Variants in GAREM1 observed in about 807,000 individuals in gnomAD.
GAREM1 encodes GRB2-associated and regulator of MAPK protein 1.
A neutral mutation model predicts 71.3 loss-of-function variants in GAREM1; 26 were observed. The observed-to-expected ratio is 0.36, with a 90% CI of 0.27 to 0.51. The LOEUF is 0.51. Among genes scored for constraint, GAREM1 ranks in the 20% least tolerant of loss-of-function variants. GAREM1 has a pLI of 0.95. For missense variants in GAREM1, 1,026 were observed against 1,103.1 expected (o/e 0.93, Z 0.99); for synonymous variants, 440 against 433.2 (o/e 1.02, Z -0.20).
At chr18:32,371,054 T>C (rs2047973398) in intron 2 of GAREM1, among the ~76,000 whole-genome samples, 1 of 151,992 alleles carries the variant, frequency 6.6e-6, no homozygotes, top group Non-Finnish European at 1.5e-5. Flanking sequence ...GAGAGGATTA[T>C]AGGAATGCCA....
intron 2 of GAREM1, among the ~76,000 whole-genome samples, chr18:32,310,604 T>C (rs1014485806): frequency 6.6e-6 from 1 of 152,194 alleles, no homozygotes; most frequent in African/African-American, 2.4e-5. Context: ...TTACTTGCTG[T>C]TTGATCTCAA....
rs773472213 is a variant in GAREM1 at position 32,263,825 on chromosome 18, T to C, written c.*4046A>G. The C allele has an allele frequency of 2.6e-5, 4 of 152,158 alleles. No homozygotes were observed. Among genetic ancestry groups the C allele is most frequent in the Non-Finnish European group, 4.4e-5 (3 of 68,030 alleles). 9.4% of individuals were successfully genotyped at this position (152,158 alleles called of 1,614,324 possible). A position where few individuals can be genotyped will look rare whatever the true frequency, so the allele number is the denominator to read the frequency against. On this transcript the variant is annotated 3_prime_UTR_variant, in exon 6 of 6. Coordinates refer to ENST00000269209, the MANE Select transcript of GAREM1 (RefSeq NM_001242409.2). ...AGCTTAAATATTTTAAATGAAACAA[T>C]ATGAGAGTGGGAGAAAAGGTTTATA... is the stretch of plus-strand genomic sequence containing the variant.
chr18:32,298,261 T>C (rs1167856744), intron 3 of GAREM1, among the ~76,000 whole-genome samples: 1 of 152,216 alleles, frequency 6.6e-6, no homozygotes, highest in Non-Finnish European at 1.5e-5. Context: ...GAATAAATTA[T>C]ACAACTAACG....
rs2048437239 is a variant in GAREM1, at chr18:32,413,204, G to A, written c.122-20169C>T. 4.4e-6 allele frequency: 7 copies of A among 1,605,930 alleles called. 1 individual carries two copies. The highest frequency in any genetic ancestry group is 2.3e-4 in the Middle Eastern group (1 of 4,406). On this transcript the variant is annotated intron_variant, in intron 1 of 5. Transcript: ENST00000269209. ...CGGCAGGGTGAAGAGAGACTTTAAC[G>A]ATGCTTCTTCGGCGGCGTCCACGGG...
rs1290491975 is a variant in GAREM1, at chr18:32,265,136, C to T, written c.*2735G>A. On this transcript the variant is annotated 3_prime_UTR_variant, in exon 6 of 6. Transcript: ENST00000269209. ...CTCTTGGAGCTATGAATGCTCTGTC[C>T]AGTCAGGACACCAAGGTCCTTCACA... 1 of 152,204 alleles carries T rather than the reference C, an allele frequency of 6.6e-6. No individual in the cohort carries two copies. The highest frequency in any genetic ancestry group is 1.5e-5 in the Non-Finnish European group (1 of 68,040). 9.4% of individuals were successfully genotyped at this position (152,204 alleles called of 1,614,324 possible).
chr18:32,272,543 G>A (rs990482652), intron 4 of GAREM1, among the ~76,000 whole-genome samples: 2 of 152,172 alleles, frequency 1.3e-5, no homozygotes, highest in East Asian at 1.9e-4. Context: ...AAGGATGCCC[G>A]GGAGGAAATG....
At chr18:32,378,012 CTGTGTGTGTGTGTGTGTGTGTGTG>C (rs1157230204) in intron 2 of GAREM1, among the ~76,000 whole-genome samples, 2 of 131,814 alleles carry the variant, frequency 1.5e-5, no homozygotes, top group East Asian at 2.3e-4. Flanking sequence ...TACTATATAA[CTGTGTGTGTGTGTGTGTGTGTGTG>C]TGTGTGTGTG....
intron 2 of GAREM1, among the ~76,000 whole-genome samples, chr18:32,328,757 T>C (rs140375484): frequency 2.1e-4 from 32 of 152,250 alleles, no homozygotes; most frequent in African/African-American, 7.7e-4. Flanking sequence ...CTGATACCAC[T>C]TAGGGGCAGG....
intron 2 of GAREM1, among the ~76,000 whole-genome samples, chr18:32,348,648 T>C (rs921476155): frequency 6.6e-6 from 1 of 152,116 alleles, no homozygotes; most frequent in Non-Finnish European, 1.5e-5. Flanking sequence ...CGTTTGAACC[T>C]GGGAGGCAGA....
At chr18:32,304,961 ATCT>A (rs1439187678) in intron 3 of GAREM1, among the ~76,000 whole-genome samples, 1 of 152,214 alleles carries the variant, frequency 6.6e-6, no homozygotes, top group Non-Finnish European at 1.5e-5. Context: ...GAAAGAGGAC[ATCT>A]TCTGACTTTG....
intron 2 of GAREM1, among the ~76,000 whole-genome samples, chr18:32,344,640 A>G (rs1406424002): frequency 6.6e-6 from 1 of 152,234 alleles, no homozygotes; most frequent in Non-Finnish European, 1.5e-5. Context: ...AAAATTAACT[A>G]AAGATTTCTG....
At chr18:32,458,537 C>A (rs2144307189) in intron 1 of GAREM1, among the ~76,000 whole-genome samples, 1 of 151,498 alleles carries the variant, frequency 6.6e-6, no homozygotes, top group Non-Finnish European at 1.5e-5. Flanking sequence ...CTGCTGAAGA[C>A]AAATAAGTTA....
intron 2 of GAREM1, among the ~76,000 whole-genome samples, chr18:32,359,312 T>C (rs2047837782): frequency 6.6e-6 from 1 of 152,178 alleles, no homozygotes; most frequent in Admixed American, 6.5e-5. Context: ...TGTTTCTAAA[T>C]ATGAATGACT....
chr18:32,364,007 TATATATATATA>T (rs2047895606), intron 2 of GAREM1, among the ~76,000 whole-genome samples: 2 of 48,004 alleles, frequency 4.2e-5, no homozygotes, highest in African/African-American at 2.0e-4. Flanking sequence ...TATATATATA[TATATATATATA>T]TATATATATG....
At chr18:32,371,487 T>C (rs1598997371) in intron 2 of GAREM1, among the ~76,000 whole-genome samples, 1 of 152,326 alleles carries the variant, frequency 6.6e-6, no homozygotes, top group South Asian at 2.1e-4. Context: ...TCACATTTGA[T>C]ATGCAGAGAA....
At chr18:32,433,447 C>CA (rs564764057) in intron 1 of GAREM1, among the ~76,000 whole-genome samples, 1,546 of 112,522 alleles carry the variant, frequency 0.014, 16 homozygotes, top group Middle Eastern at 0.044. Context: ...CAATTAAGGA[C>CA]AAAAAAAAAA....
intron 1 of GAREM1, among the ~76,000 whole-genome samples, chr18:32,394,182 T>TC (rs2048229345): frequency 6.6e-6 from 1 of 152,138 alleles, no homozygotes; most frequent in African/African-American, 2.4e-5. Context: ...GGAGGATGGC[T>TC]TGAGTCCAGG....
At chr18:32,273,714 T>TGAGA (rs1487893229) in intron 4 of GAREM1, among the ~76,000 whole-genome samples, 2 of 150,954 alleles carry the variant, frequency 1.3e-5, no homozygotes, top group African/African-American at 2.4e-5. Context: ...TGTGTGTGTG[T>TGAGA]GAGAGAGAGA....
chr18:32,351,694 C>T (rs1012667191), intron 2 of GAREM1, among the ~76,000 whole-genome samples: 37 of 147,722 alleles, frequency 2.5e-4, no homozygotes, highest in African/African-American at 9.3e-4. Context: ...CAAGCAATAC[C>T]CTCTCTCTTT....
Sources: gnomAD v4.1 joint callset for allele counts (sites outside exome capture counted in the v4.1 genomes callset) on GRCh38, gnomAD v4.1.1 for gene constraint, MANE v1.5 for transcripts, NCBI Gene and HGNC (gene_info 2026-07-23, HGNC 2026-07-21) for gene names.